Variants in FBXO31 observed in about 807,000 individuals in gnomAD.
FBXO31 encodes the protein F-box only protein 31.
A neutral mutation model predicts 54.4 loss-of-function variants in FBXO31; 24 were observed. That is an observed-to-expected ratio of 0.44 (90% CI 0.32 to 0.62). FBXO31 has a LOEUF of 0.62. Ranked by LOEUF, FBXO31 falls within the 20% of genes least tolerant of loss-of-function variation. FBXO31 has a pLI of 0.05. For missense variants in FBXO31, 665 were observed against 787.1 expected (o/e 0.84, Z 1.86); for synonymous variants, 388 against 335.6 (o/e 1.16, Z -1.71).
rs201611490 is a variant in FBXO31 at position 87,359,976 on chromosome 16, G to C, written c.412+319C>G. ...ACAGGCAGTCCCATCCTGAAGGCTG[G>C]AGGCCCAGAAGCCAGAGAAACAGGC... On this transcript the variant is annotated intron_variant, in intron 2 of 8. Coordinates refer to ENST00000311635, the MANE Select transcript of FBXO31 (RefSeq NM_024735.5). Among the ~76,000 whole-genome samples, 13 of 152,300 alleles carry C rather than the reference G, an allele frequency of 8.5e-5. No homozygotes were observed. The East Asian group carries it at 2.5e-3, about 29-fold the overall frequency.
intron 1 of FBXO31, among the ~76,000 whole-genome samples, chr16:87,377,618 G>A (rs549974539): frequency 5.3e-5 from 8 of 152,208 alleles, no homozygotes; most frequent in Admixed American, 2.0e-4. Flanking sequence ...TTGAGGCCAC[G>A]AGTTCAAGAC....
upstream of FBXO31, among the ~76,000 whole-genome samples, chr16:87,384,911 A>T (rs1334635003): frequency 6.7e-6 from 1 of 148,922 alleles, no homozygotes; most frequent in Admixed American, 6.6e-5. Flanking sequence ...GCGGTGGCTC[A>T]CGTCTGTAAT....
chr16:87,383,780 C>A, upstream of FBXO31: 1 of 1,175,830 alleles, frequency 8.5e-7, no homozygotes, highest in Non-Finnish European at 1.1e-6. The surrounding 1 kb of genome is among the most constrained non-coding windows in gnomAD (Gnocchi z 4.9). Context: ...CGCCTGTGCG[C>A]ACGCTCCAGC....
At position 87,353,829 on chromosome 16, in the gene FBXO31, A is replaced by C. The variant is rs559708054; in HGVS notation, c.412+6466T>G. Reference sequence around the variant, plus strand: ...CAGGGCCCCGGACACCTTGTCTTGAACCTCTGGCCTCCAGCCTGTGAGAAA... The same window carrying C: ...CAGGGCCCCGGACACCTTGTCTTGACCCTCTGGCCTCCAGCCTGTGAGAAA... On this transcript the variant is annotated intron_variant, in intron 2 of 8. Coordinates refer to ENST00000311635, the MANE Select transcript of FBXO31 (RefSeq NM_024735.5). 1.4e-4 allele frequency among the ~76,000 whole-genome samples: 22 copies of C among 152,204 alleles called. 1 individual carries two copies. The South Asian group carries it at 1.5e-3, about 10-fold the overall frequency.
chr16:87,386,649 G>C (rs1484245748), upstream of FBXO31, among the ~76,000 whole-genome samples: 1 of 152,144 alleles, frequency 6.6e-6, no homozygotes, highest in East Asian at 1.9e-4. Context: ...GGCCAGGCTG[G>C]TCTTGAATTC....
chr16:87,370,562 G>C (rs1289992382), intron 1 of FBXO31, among the ~76,000 whole-genome samples: 1 of 152,154 alleles, frequency 6.6e-6, no homozygotes, highest in Non-Finnish European at 1.5e-5. Flanking sequence ...AGACCCAGGG[G>C]AATAGGAGCC....
chr16:87,327,453 T>C lies in FBXO31; in HGVS notation c.*3835A>G, dbSNP rs974286577. The C allele has an allele frequency of 6.6e-6, 1 of 152,306 alleles. No individual in the cohort carries two copies. The highest frequency in any genetic ancestry group is 1.5e-5 in the Non-Finnish European group (1 of 68,272). 9.4% of individuals were successfully genotyped at this position (152,306 alleles called of 1,614,324 possible). On this transcript the variant is annotated 3_prime_UTR_variant, in exon 9 of 9. Transcript: ENST00000311635. The stretch of plus-strand genomic sequence containing the variant: ...CGGGTGGATCACCTGAGATCGGGAG[T>C]TCGAGACCAACCTGAGCAACATGGC...
At chr16:87,370,703 T>A (rs1167393219) in intron 1 of FBXO31, among the ~76,000 whole-genome samples, 1 of 152,152 alleles carries the variant, frequency 6.6e-6, no homozygotes, top group Non-Finnish European at 1.5e-5. Flanking sequence ...GGTCTCAGCC[T>A]CCCTGGAGCA....
chr16:87,356,334 C>A (rs1396249834), intron 2 of FBXO31, among the ~76,000 whole-genome samples: 1 of 152,168 alleles, frequency 6.6e-6, no homozygotes, highest in African/African-American at 2.4e-5. Flanking sequence ...CTGTTCCCTC[C>A]CACAGCTCTC....
chr16:87,377,281 T>C (rs2007193), intron 1 of FBXO31, among the ~76,000 whole-genome samples: 152,272 of 152,320 alleles, frequency 1, 76,112 homozygotes, highest in Non-Finnish European at 1. Context: ...TCTGTCTCTA[T>C]AAAAAGATAC....
In FBXO31 at chr16:87,383,478, G is replaced by C. The variant is rs1333487046; in HGVS notation, c.267C>G (p.Ser89Arg). ...FASLPGTDLPSLAQVCTKFRR... is the reference protein window; with the variant it reads ...FASLPGTDLPRLAQVCTKFRR... ...GGAACTTCGTGCAGACCTGGGCCAA[G>C]CTGGGTAGGTCCGTGCCCGGCAGCG... The change falls in exon 1 of 9, where the codon AGC (serine) becomes AGG (arginine). Residue 89 changes from serine to arginine, a missense_variant. Coordinates refer to ENST00000311635, the MANE Select transcript of FBXO31 (RefSeq NM_024735.5). This position sits in a 1 kb window ranked among gnomAD's most constrained non-coding sequence, Gnocchi z 4.9. 6.3e-7 allele frequency: 1 copy of C among 1,592,566 alleles called. No homozygotes were observed. Among genetic ancestry groups the C allele is most frequent in the Non-Finnish European group, 8.5e-7 (1 of 1,172,740 alleles).
intron 2 of FBXO31, among the ~76,000 whole-genome samples, chr16:87,350,703 C>A (rs117419299): frequency 0.011 from 1,706 of 151,482 alleles, 8 homozygotes; most frequent in Non-Finnish European, 0.018. Flanking sequence ...TTCAAAATTT[C>A]ATCATGAAAT....
At chr16:87,360,260 G>A (rs760660906) in intron 2 of FBXO31, 35 bp downstream of exon 2, 9 of 1,589,938 alleles carry the variant, frequency 5.7e-6, no homozygotes, top group Non-Finnish European at 6.9e-6. Context: ...CTGGTACAAA[G>A]TTAATCATGG....
chr16:87,358,864 G>T lies in FBXO31; in HGVS notation c.412+1431C>A, dbSNP rs182097591. ...TGGCAGGTGAGCATCTGGGATGACC[G>T]TCTAGAGAACACTTACCCCGGCTAA... On this transcript the variant is annotated intron_variant, in intron 2 of 8. Coordinates refer to ENST00000311635, the MANE Select transcript of FBXO31 (RefSeq NM_024735.5). The surrounding 1 kb of genome is among the most constrained non-coding windows in gnomAD (Gnocchi z 4.0). Among the ~76,000 whole-genome samples, 12 of 152,218 alleles carry T rather than the reference G, an allele frequency of 7.9e-5. No homozygotes were observed. The highest frequency in any genetic ancestry group is 2.9e-4 in the African/African-American group (12 of 41,542).
chr16:87,343,782 G>A lies in FBXO31; in HGVS notation c.490-17C>T, dbSNP rs1266752721. On this transcript the variant is annotated splice_polypyrimidine_tract_variant and intron_variant, in intron 3 of 8. Transcript: ENST00000311635. ...GCCGTCCACCTACAGGAGGAGATGG[G>A]CAAAGGTCCATGAGTGGCTCCCGGG... 4.3e-6 allele frequency: 7 copies of A among 1,613,712 alleles called. No individual in the cohort carries two copies. The highest frequency in any genetic ancestry group is 4.5e-5 in the East Asian group (2 of 44,878).
Position 87,330,369 on chromosome 16 carries a change from C to T in FBXO31, c.*919G>A, listed in dbSNP as rs1207862959. On this transcript the variant is annotated 3_prime_UTR_variant, in exon 9 of 9. Transcript: ENST00000311635. The stretch of plus-strand genomic sequence containing the variant: ...CATCTCATATGGGCACTCCTGGCAC[C>T]TGTGTGGACCACTCACTGCTTCAGA... 6.6e-6 allele frequency: 1 copy of T among 152,294 alleles called. No individual in the cohort carries two copies. Among genetic ancestry groups the T allele is most frequent in the Admixed American group, 6.5e-5 (1 of 15,284 alleles). 9.4% of individuals were successfully genotyped at this position (152,294 alleles called of 1,614,324 possible).
rs187996890 is a variant in FBXO31, at chr16:87,337,559, C to T, written c.733-1295G>A. Among the ~76,000 whole-genome samples the T allele has an allele frequency of 1.9e-4, 29 of 152,336 alleles. No homozygotes were observed. The East Asian group carries it at 3.9e-3, about 20-fold the overall frequency. Reference sequence around the variant, plus strand: ...AGTATAAGCTCCCGTCATGACACGGCGTGCAAGCCTCAGGCCTCACACGGG... The same window carrying T: ...AGTATAAGCTCCCGTCATGACACGGTGTGCAAGCCTCAGGCCTCACACGGG... On this transcript the variant is annotated intron_variant, in intron 5 of 8. Transcript: ENST00000311635.
chr16:87,381,331 G>A (rs1907067436), intron 1 of FBXO31, among the ~76,000 whole-genome samples: 1 of 152,142 alleles, frequency 6.6e-6, no homozygotes. Context: ...TCGCAAAAAG[G>A]CACAATAAAA....
rs1904726328 is a variant in FBXO31, at chr16:87,328,437, A to G, written c.*2851T>C. 6.6e-6 allele frequency: 1 copy of G among 152,478 alleles called. No individual in the cohort carries two copies. The highest frequency in any genetic ancestry group is 6.5e-5 in the Admixed American group (1 of 15,284). 9.4% of individuals were successfully genotyped at this position (152,478 alleles called of 1,614,324 possible). A position where few individuals can be genotyped will look rare whatever the true frequency, so the allele number is the denominator to read the frequency against. ...GGGCCCAGGGCATGGTCAGGAACGAAGAAGGAGGGAGCCTGAGGCTCTCCC... is the reference window on the plus strand; with the variant it reads ...GGGCCCAGGGCATGGTCAGGAACGAGGAAGGAGGGAGCCTGAGGCTCTCCC... On this transcript the variant is annotated 3_prime_UTR_variant, in exon 9 of 9. Transcript: ENST00000311635.
Sources: allele counts gnomAD v4.1 joint callset (sites outside exome capture counted in the v4.1 genomes callset), GRCh38; gene constraint gnomAD v4.1.1; non-coding constraint Gnocchi (gnomAD v3.1); transcripts MANE v1.5; gene names NCBI Gene and HGNC (gene_info 2026-07-23, HGNC 2026-07-21).